UBR1: variants seen among roughly 807,000 people sequenced by gnomAD.
UBR1 encodes ubiquitin protein ligase E3 component n-recognin 1, also known as E3 ubiquitin-protein ligase UBR1.
A neutral mutation model predicts 242.1 loss-of-function variants in UBR1; 102 were observed. The observed-to-expected ratio is 0.42, with a 90% confidence interval of 0.36 to 0.50. UBR1 has a LOEUF of 0.50. Among genes scored for constraint, UBR1 ranks in the 20% least tolerant of loss-of-function variants. The pLI is 0.01. For missense variants in UBR1, 1,772 were observed against 2,101.8 expected (o/e 0.84, Z 3.07); for synonymous variants, 675 against 684.8 (o/e 0.99, Z 0.22).
chr15:43,104,691 T>A (rs1009527218), intron 1 of UBR1, among the ~76,000 whole-genome samples: 1 of 151,214 alleles, frequency 6.6e-6, no homozygotes, highest in African/African-American at 2.5e-5. Flanking sequence ...TGTTCAATTG[T>A]ATGCAGGGTT....
rs150044679 is a variant in UBR1, at chr15:42,990,719, C to G, written c.3758-599G>C. ...TCTTTCTATAACAGTAACTTTCCCT[C>G]TATTTTGCCATGTTTAATGACTGCA... is the stretch of plus-strand genomic sequence containing the variant. On this transcript the variant is annotated intron_variant, in intron 33 of 46. Transcript: ENST00000290650. Among the ~76,000 whole-genome samples, 117 of 152,316 alleles carry G rather than the reference C, an allele frequency of 7.7e-4. 1 individual carries two copies. Among genetic ancestry groups the G allele is most frequent in the African/African-American group, 2.7e-3 (111 of 41,558 alleles).
intron 35 of UBR1, chr15:42,988,565 A>C: frequency 2.2e-6 from 1 of 453,952 alleles, no homozygotes; most frequent in Non-Finnish European, 4.0e-6. Flanking sequence ...CCCAGGCATA[A>C]TCCACCGTGC....
chr15:43,068,985 G>A (rs1301966381), intron 5 of UBR1, among the ~76,000 whole-genome samples: 1 of 152,120 alleles, frequency 6.6e-6, no homozygotes, highest in Non-Finnish European at 1.5e-5. Flanking sequence ...TAAATAAACA[G>A]ATTTTATTAA....
At chr15:43,088,016 T>A (rs991211334) in intron 1 of UBR1, among the ~76,000 whole-genome samples, 4 of 152,338 alleles carry the variant, frequency 2.6e-5, no homozygotes, top group African/African-American at 9.6e-5. Context: ...CTGAAAGGAT[T>A]CAAAATAAAC....
chr15:43,072,955 G>C (rs2033840856), intron 4 of UBR1, among the ~76,000 whole-genome samples: 1 of 152,016 alleles, frequency 6.6e-6, no homozygotes, highest in African/African-American at 2.4e-5. Flanking sequence ...TTGAATCCAG[G>C]AGTTCGAATC....
chr15:43,082,689 T>C lies in UBR1; in HGVS notation c.366A>G (p.Val122=), dbSNP rs2033986754. The change falls in exon 3 of 47, where the codon GTA becomes GTG. Residue 122 remains valine (V), a synonymous_variant. Coordinates refer to ENST00000290650, the MANE Select transcript of UBR1 (RefSeq NM_174916.3). ...TGTCCTGGAAGCAGTCCATACAGAG[T>C]ACACATGTTGGATCAATTGCACAAT... The part of the protein sequence containing the change: ...CRDCAIDPTC[V]LCMDCFQDSV... 4 of 1,613,780 alleles carry C rather than the reference T, an allele frequency of 2.5e-6. No individual in the cohort carries two copies. Among genetic ancestry groups the C allele is most frequent in the African/African-American group, 2.7e-5 (2 of 75,012 alleles).
chr15:43,038,230 G>C lies in UBR1; in HGVS notation c.1852C>G (p.Leu618Val). ...CCCAGCCTGCTTAAACGTACATGAAGACCTAAAGTTAAAAAAACGAGAGAG... is the reference window on the plus strand; with the variant it reads ...CCCAGCCTGCTTAAACGTACATGAACACCTAAAGTTAAAAAAACGAGAGAG... ...HLPLSRTLAGLHVRLSRLGAV... is the reference protein window; with the variant it reads ...HLPLSRTLAGVHVRLSRLGAV... The change falls in exon 16 of 47, where the codon CTT becomes GTT. Residue 618 changes from leucine to valine, a missense_variant and splice_region_variant. Physicochemically the swap from Leu to Val is conservative, Grantham distance 32. This residue lies in a region of UBR1 where 734 missense variants were observed against 893.3 expected (regional missense o/e 0.82). Transcript: ENST00000290650. The C allele has an allele frequency of 6.2e-7, 1 of 1,613,960 alleles. No individual in the cohort carries two copies. Among genetic ancestry groups the C allele is most frequent in the Non-Finnish European group, 8.5e-7 (1 of 1,179,952 alleles).
chr15:42,963,070 ATTAG>A (rs2141256965), intron 42 of UBR1, among the ~76,000 whole-genome samples: 1 of 152,380 alleles, frequency 6.6e-6, no homozygotes, highest in African/African-American at 2.4e-5. Context: ...TAAAAGTAAA[ATTAG>A]TTAACCTACT....
At chr15:42,968,749 C>T (rs761325698) in intron 40 of UBR1, among the ~76,000 whole-genome samples, 23 of 151,998 alleles carry the variant, frequency 1.5e-4, no homozygotes, top group Non-Finnish European at 3.2e-4. Context: ...TCAACTCCTA[C>T]TTGTGAGAAC....
intron 29 of UBR1, among the ~76,000 whole-genome samples, chr15:43,011,043 C>T (rs2032916815): frequency 6.6e-6 from 1 of 151,436 alleles, no homozygotes; most frequent in Admixed American, 6.6e-5. Context: ...TGTGGTGACA[C>T]GCCCATAGTC....
intron 6 of UBR1, among the ~76,000 whole-genome samples, chr15:43,062,820 A>C (rs530125517): frequency 6.6e-6 from 1 of 152,262 alleles, no homozygotes; most frequent in Admixed American, 6.5e-5. Context: ...GTGTTTTTAA[A>C]ATACGTGGGC....
intron 14 of UBR1, among the ~76,000 whole-genome samples, chr15:43,044,619 G>T (rs1479501345): frequency 6.6e-6 from 1 of 152,254 alleles, no homozygotes; most frequent in Non-Finnish European, 1.5e-5. Context: ...GCGGCTGGGC[G>T]CAGTGGCTCA....
intron 14 of UBR1, among the ~76,000 whole-genome samples, chr15:43,046,501 A>G (rs1047548880): frequency 1.3e-5 from 2 of 152,220 alleles, no homozygotes; most frequent in African/African-American, 4.8e-5. Flanking sequence ...AAGTAATATA[A>G]GTCAGAACCA....
intron 41 of UBR1, among the ~76,000 whole-genome samples, chr15:42,965,119 G>A (rs560675864): frequency 6.6e-6 from 1 of 152,196 alleles, no homozygotes; most frequent in South Asian, 2.1e-4. Flanking sequence ...CAATTACTTG[G>A]AAAGTGGACT....
At position 43,087,352 on chromosome 15, in the gene UBR1, C is replaced by T. The variant is rs561562303; in HGVS notation, c.82-1112G>A. 7.9e-5 allele frequency among the ~76,000 whole-genome samples: 12 copies of T among 152,084 alleles called. No homozygotes were observed. The East Asian group carries it at 2.3e-3, about 29-fold the overall frequency. Reference sequence around the variant, plus strand: ...CCCAGGAGGCGGAGCTTGCAGTGAGCCGAGAATGCGCCACTGTACTCCAGC... The same window carrying T: ...CCCAGGAGGCGGAGCTTGCAGTGAGTCGAGAATGCGCCACTGTACTCCAGC... On this transcript the variant is annotated intron_variant, in intron 1 of 46. Coordinates refer to ENST00000290650, the MANE Select transcript of UBR1 (RefSeq NM_174916.3).
chr15:43,087,517 A>T (rs1398771419), intron 1 of UBR1, among the ~76,000 whole-genome samples: 1 of 152,232 alleles, frequency 6.6e-6, no homozygotes, highest in African/African-American at 2.4e-5. Flanking sequence ...TTTAGTTTGT[A>T]CTAATGAACC....
chr15:42,978,584 A>C (rs1447217653), intron 37 of UBR1, among the ~76,000 whole-genome samples: 3 of 152,236 alleles, frequency 2.0e-5, no homozygotes, highest in Non-Finnish European at 4.4e-5. Context: ...GGTTTTGTTT[A>C]TATAAAAATG....
chr15:43,044,098 C>T (rs1351197535), intron 14 of UBR1, among the ~76,000 whole-genome samples: 2 of 152,144 alleles, frequency 1.3e-5, no homozygotes, highest in African/African-American at 4.8e-5. Flanking sequence ...AAATACAACT[C>T]CTATTCAGGC....
intron 3 of UBR1, among the ~76,000 whole-genome samples, chr15:43,076,792 G>T (rs2033905123): frequency 7.5e-6 from 1 of 133,294 alleles, no homozygotes; most frequent in African/African-American, 2.8e-5. Context: ...TCAGCCCCCC[G>T]CCCGGCCAGC....
Sources: allele counts gnomAD v4.1 joint callset (sites outside exome capture counted in the v4.1 genomes callset), GRCh38; gene constraint gnomAD v4.1.1; regional missense constraint gnomAD v4.1.1; transcripts MANE v1.5; gene names NCBI Gene and HGNC (gene_info 2026-07-23, HGNC 2026-07-21).